The following CAST variants were observed in gnomAD, a reference collection of about 807,000 sequenced individuals.
CAST encodes the protein calpastatin.
In CAST, 76 loss-of-function variants were observed where a neutral mutation model predicts 119.6. The ratio of observed to expected loss-of-function variants is 0.64; its 90% confidence interval spans 0.53 to 0.77. CAST has a LOEUF of 0.77. Ranked by LOEUF, CAST falls within the 30% of genes least tolerant of loss-of-function variation. The pLI, the probability that CAST is intolerant of heterozygous loss-of-function variation, is 0.00. For synonymous variants in CAST, 319 were observed against 331.6 expected (o/e 0.96, Z 0.41); for missense variants, 953 against 946.5 (o/e 1.01, Z -0.09).
At chr5:96,742,974 C>G (rs574159284) in intron 16 of CAST, among the ~76,000 whole-genome samples, 1 of 152,154 alleles carries the variant, frequency 6.6e-6, no homozygotes, top group African/African-American at 2.4e-5. Flanking sequence ...GAAATGAACA[C>G]GAATCTCCCT....
chr5:96,748,441 A>T (rs1189868482), intron 18 of CAST, 77 bp from the exon 19 acceptor site: 2 of 652,736 alleles, frequency 3.1e-6, no homozygotes, highest in African/African-American at 3.7e-5. Context: ...TCAGGAAAAA[A>T]ATTGCTCCAT....
chr5:96,598,088 A>G (rs751421289), intron 1 of CAST, among the ~76,000 whole-genome samples: 15 of 152,120 alleles, frequency 9.9e-5, no homozygotes, highest in Non-Finnish European at 1.6e-4. Flanking sequence ...ATTCATTGTA[A>G]TCAGAGCTTG....
At chr5:96,184,165 A>G in the CAST span, among the ~76,000 whole-genome samples, 1 of 152,162 alleles carries the variant, frequency 6.6e-6, no homozygotes, top group Non-Finnish European at 1.5e-5. Flanking sequence ...CCAAATCACA[A>G]CTGCATCACA....
At chr5:96,078,218 T>C in the CAST span, among the ~76,000 whole-genome samples, 1 of 152,106 alleles carries the variant, frequency 6.6e-6, no homozygotes, top group African/African-American at 2.4e-5. Context: ...GCCCCATCTC[T>C]AGACACCATG....
the CAST span, among the ~76,000 whole-genome samples, chr5:96,357,294 T>C: frequency 1.3e-5 from 2 of 152,190 alleles, no homozygotes; most frequent in African/African-American, 2.4e-5. Context: ...CAATTTGACT[T>C]CCTCTCTTCC....
the CAST span, among the ~76,000 whole-genome samples, chr5:96,172,062 T>G: frequency 6.6e-6 from 1 of 152,196 alleles, no homozygotes; most frequent in East Asian, 1.9e-4. Flanking sequence ...AGGCTGAGTC[T>G]CAAAAGAGAG....
At chr5:96,660,138 T>C (rs142556063), upstream of CAST, among the ~76,000 whole-genome samples, 9 of 152,292 alleles carry the variant, frequency 5.9e-5, no homozygotes, top group Non-Finnish European at 1.0e-4. Flanking sequence ...CTCCATTACA[T>C]AGACCCTCCG....
chr5:96,605,185 G>A (rs911520521), intron 1 of CAST, among the ~76,000 whole-genome samples: 1 of 152,150 alleles, frequency 6.6e-6, no homozygotes, highest in Non-Finnish European at 1.5e-5. Context: ...AAACTCTAGG[G>A]GAACATTCAG....
chr5:96,423,000 A>C, the CAST span, among the ~76,000 whole-genome samples: 2 of 152,304 alleles, frequency 1.3e-5, no homozygotes, highest in South Asian at 4.1e-4. Flanking sequence ...TGATTTGATT[A>C]CTTTAATGCC....
intron 1 of CAST, among the ~76,000 whole-genome samples, chr5:96,584,276 T>C (rs1746815885): frequency 1.3e-5 from 2 of 152,202 alleles, no homozygotes; most frequent in Non-Finnish European, 2.9e-5. Flanking sequence ...ACGCCGATGA[T>C]GATCTGACAG....
the CAST span, among the ~76,000 whole-genome samples, chr5:96,486,766 C>T: frequency 2.0e-5 from 3 of 152,112 alleles, no homozygotes; most frequent in Admixed American, 2.0e-4. Context: ...ATAACACAGG[C>T]CCTTAGAGCC....
intron 1 of CAST, among the ~76,000 whole-genome samples, chr5:96,571,510 C>A (rs553792180): frequency 1.8e-4 from 27 of 152,214 alleles, no homozygotes; most frequent in Non-Finnish European, 3.7e-4. Context: ...GTGTTCTGAT[C>A]TAGGTCCATT....
the CAST span, chr5:96,400,172 C>T: frequency 6.2e-7 from 1 of 1,613,848 alleles, no homozygotes; most frequent in South Asian, 1.1e-5. Flanking sequence ...CATATCTCGC[C>T]AGGTGAGATT....
At chr5:96,167,949 G>A in the CAST span, among the ~76,000 whole-genome samples, 1 of 152,208 alleles carries the variant, frequency 6.6e-6, no homozygotes, top group African/African-American at 2.4e-5. Flanking sequence ...ACACTGAGAA[G>A]TGATTTCCTT....
chr5:96,580,439 T>C (rs893236810), intron 1 of CAST, among the ~76,000 whole-genome samples: 2 of 152,238 alleles, frequency 1.3e-5, no homozygotes, highest in African/African-American at 4.8e-5. Flanking sequence ...TACAAAACTT[T>C]AGTAATCTTA....
chr5:96,252,275 T>C, the CAST span, among the ~76,000 whole-genome samples: 2 of 152,154 alleles, frequency 1.3e-5, no homozygotes, highest in Admixed American at 6.6e-5. Context: ...TCCTAGTCAT[T>C]ACACTATGTT....
the CAST span, among the ~76,000 whole-genome samples, chr5:96,373,809 A>T: frequency 2.0e-5 from 3 of 152,048 alleles, no homozygotes; most frequent in African/African-American, 4.8e-5. Flanking sequence ...ACAGTGGCAC[A>T]ATCACAGCTC....
chr5:96,720,596 CAG>C (rs1307394136), intron 3 of CAST, among the ~76,000 whole-genome samples: 2 of 152,364 alleles, frequency 1.3e-5, no homozygotes, highest in Admixed American at 1.3e-4. Flanking sequence ...GTGCTGCCAA[CAG>C]GGGCCAAGGC....
chr5:96,370,216 A>T, the CAST span, among the ~76,000 whole-genome samples: 1 of 152,028 alleles, frequency 6.6e-6, no homozygotes, highest in East Asian at 1.9e-4. Flanking sequence ...TGTCTTGCTG[A>T]CTTGCCTAAG....
Sources: allele counts gnomAD v4.1 joint callset (sites outside exome capture counted in the v4.1 genomes callset), GRCh38; gene constraint gnomAD v4.1.1; transcripts MANE v1.5; gene names NCBI Gene and HGNC (gene_info 2026-07-23, HGNC 2026-07-21).